The following ZNF182 variants were observed in gnomAD, a reference collection of about 807,000 sequenced individuals.
The protein encoded by ZNF182 is zinc finger protein 21 (KOX 14).
In ZNF182, 10 loss-of-function variants were observed where a neutral mutation model predicts 28.1. That is an observed-to-expected ratio of 0.36 (90% CI 0.22 to 0.60). ZNF182 has a LOEUF of 0.60. Among genes scored for constraint, ZNF182 ranks in the 20% least tolerant of loss-of-function variants. The pLI is 0.75. For missense variants in ZNF182, 352 were observed against 453.2 expected (o/e 0.78, Z 2.03); for synonymous variants, 156 against 158.7 (o/e 0.98, Z 0.13).
intron 3 of ZNF182, among the ~76,000 whole-genome samples, chrX:47,993,471 C>T (rs1240694161): frequency 2.7e-5 from 3 of 112,160 alleles, no homozygotes; most frequent in African/African-American, 9.7e-5. Flanking sequence ...GCACCCCACT[C>T]GTGGCTGGCA....
intron 2 of ZNF182, among the ~76,000 whole-genome samples, chrX:48,003,139 CA>C (rs1296284772): frequency 1.8e-5 from 2 of 111,365 alleles, no homozygotes; most frequent in African/African-American, 3.3e-5. Flanking sequence ...AAAAGGTGTA[CA>C]AAAAAATCCT....
At chrX:47,979,914 T>C (rs914447466) in intron 5 of ZNF182, among the ~76,000 whole-genome samples, 26 of 103,731 alleles carry the variant, frequency 2.5e-4, no homozygotes, top group Middle Eastern at 5.0e-3. Flanking sequence ...TGTTATGGTA[T>C]AAGTTTCATC....
chrX:47,976,271 C>T lies in ZNF182; in HGVS notation c.1759G>A (p.Ala587Thr). The T allele has an allele frequency of 8.3e-7, 1 of 1,204,872 alleles. No individual in the cohort carries two copies. Residue 587 changes from alanine to threonine, a missense_variant, in exon 6 of 6, where the codon GCC (alanine) becomes ACC (threonine). Coordinates refer to ENST00000376943, the MANE Select transcript of ZNF182 (RefSeq NM_001007088.2). Reference sequence around the variant, plus strand: ...ATAAGGTTTGATTTTTGGGTAAAGGCTTTCCCACATTCTGTACATTTATAG... The same window carrying T: ...ATAAGGTTTGATTTTTGGGTAAAGGTTTTCCCACATTCTGTACATTTATAG... Reference protein sequence around the residue: ...KPYKCTECGKAFTQKSNLIVH... With the variant: ...KPYKCTECGKTFTQKSNLIVH...
intron 3 of ZNF182, among the ~76,000 whole-genome samples, chrX:47,989,994 G>A (rs1238955120): frequency 9.0e-6 from 1 of 110,755 alleles, no homozygotes; most frequent in Non-Finnish European, 1.9e-5. Flanking sequence ...AAATTTCTAG[G>A]TTTGTTCATG....
chrX:47,983,867 A>G (rs2058915217), intron 3 of ZNF182, among the ~76,000 whole-genome samples: 1 of 112,066 alleles, frequency 8.9e-6, no homozygotes, highest in South Asian at 3.7e-4. Flanking sequence ...TTAAGTGTCT[A>G]TAAAATAATA....
At chrX:47,991,582 T>C (rs1299082570) in intron 3 of ZNF182, among the ~76,000 whole-genome samples, 3 of 111,894 alleles carry the variant, frequency 2.7e-5, no homozygotes, top group African/African-American at 6.5e-5. Flanking sequence ...GGATATTAGA[T>C]AGAAATGGTA....
At chrX:47,979,599 T>TAC (rs201907093) in intron 5 of ZNF182, among the ~76,000 whole-genome samples, 2,730 of 111,615 alleles carry the variant, frequency 0.024, 29 homozygotes, top group Middle Eastern at 0.069. Flanking sequence ...GCTTGCAGGG[T>TAC]ACACAGGAAG....
rs1013054137 is a variant in ZNF182, at chrX:47,975,430, T to C, written c.*737A>G. ...TGATTACTTTTGAATAATTCCTCTTTGAATGAGAAGAGTTTTTCCTGGACT... is the reference window on the plus strand; with the variant it reads ...TGATTACTTTTGAATAATTCCTCTTCGAATGAGAAGAGTTTTTCCTGGACT... On this transcript the variant is annotated 3_prime_UTR_variant, in exon 6 of 6. Coordinates refer to ENST00000376943, the MANE Select transcript of ZNF182 (RefSeq NM_001007088.2). 1 of 112,375 alleles carries C rather than the reference T, an allele frequency of 8.9e-6. No individual in the cohort carries two copies. The highest frequency in any genetic ancestry group is 9.5e-5 in the Admixed American group (1 of 10,541). 9.3% of individuals were successfully genotyped at this position (112,375 alleles called of 1,213,427 possible).
chrX:47,983,157 C>G (rs1003494738), intron 4 of ZNF182, 119 bp from the exon 5 acceptor site: 12 of 1,109,679 alleles, frequency 1.1e-5, no homozygotes, highest in Non-Finnish European at 1.5e-5. Flanking sequence ...AAAGTCAAAC[C>G]ATTTAACCTG....
chrX:47,975,925 T>TC lies in ZNF182; in HGVS notation c.*241dup. 3.3e-6 allele frequency: 1 copy of TC among 304,882 alleles called. No individual in the cohort carries two copies. Among genetic ancestry groups the TC allele is most frequent in the Middle Eastern group, 9.2e-4 (1 of 1,091 alleles). The allele number at this position is 304,882 out of a possible 1,213,427, so 25.1% of individuals were successfully genotyped here. On this transcript the variant is annotated 3_prime_UTR_variant, in exon 6 of 6. Transcript: ENST00000376943. ...CTCTGAAATCTCCTGCACCAGTGCT[T>TC]CATTTCCTCTGCCTGTGGCAGCCCT...
chrX:47,992,054 C>T (rs782704859), intron 3 of ZNF182, among the ~76,000 whole-genome samples: 9 of 111,395 alleles, frequency 8.1e-5, no homozygotes, highest in African/African-American at 1.6e-4. Flanking sequence ...TCAGGTAGGA[C>T]GGCAGGGGGA....
intron 5 of ZNF182, among the ~76,000 whole-genome samples, chrX:47,979,600 A>G (rs1603224123): frequency 1.9e-5 from 2 of 107,192 alleles, no homozygotes; most frequent in East Asian, 5.6e-4. Flanking sequence ...CTTGCAGGGT[A>G]CACAGGAAGT....
intron 5 of ZNF182, among the ~76,000 whole-genome samples, chrX:47,981,770 T>A (rs1251615165): frequency 1.8e-5 from 2 of 109,972 alleles, no homozygotes; most frequent in African/African-American, 6.6e-5. Context: ...TGTGGTGACA[T>A]GCACCTGTAG....
rs1490566599 is a variant in ZNF182 at position 47,975,752 on chromosome X, A to C, written c.*415T>G. On this transcript the variant is annotated 3_prime_UTR_variant, in exon 6 of 6. Coordinates refer to ENST00000376943, the MANE Select transcript of ZNF182 (RefSeq NM_001007088.2). ...CCCAGCCTGTTTCTCCTCAGACCCC[A>C]AATGGTCTAGGAAACATCCTACCTC... 1 of 118,607 alleles carries C rather than the reference A, an allele frequency of 8.4e-6. No individual in the cohort carries two copies. Among genetic ancestry groups the C allele is most frequent in the East Asian group, 2.6e-4 (1 of 3,803 alleles). The allele number at this position is 118,607 out of a possible 1,213,427, so 9.8% of individuals were successfully genotyped here.
At position 47,977,512 on chromosome X, in the gene ZNF182, A is replaced by T; in HGVS notation, c.518T>A (p.Phe173Tyr). 2 of 1,211,009 alleles carry T rather than the reference A, an allele frequency of 1.7e-6. No individual in the cohort carries two copies. The highest frequency in any genetic ancestry group is 2.2e-6 in the Non-Finnish European group (2 of 895,283). The change falls in exon 6 of 6, where the codon TTC becomes TAC. Residue 173 changes from phenylalanine to tyrosine, a missense_variant. Coordinates refer to ENST00000376943, the MANE Select transcript of ZNF182 (RefSeq NM_001007088.2). ...ATTTGTTTTCTCATACTCAGTATGG[A>T]AGAACAATTTTGCACATCCATTATC... ...KYDNGCAKLFFHTEYEKTNPG... is the reference protein window; with the variant it reads ...KYDNGCAKLFYHTEYEKTNPG...
At position 47,980,239 on chromosome X, in the gene ZNF182, C is replaced by CTAAAGGAGT. The variant is rs1197375057; in HGVS notation, c.233-2451_233-2443dup. On this transcript the variant is annotated intron_variant, in intron 5 of 5. Coordinates refer to ENST00000376943, the MANE Select transcript of ZNF182 (RefSeq NM_001007088.2). ...GCATGATCTCACTCATATATGGGAGCTAAAGGAGTTACTCTCATAGAAGTA... is the reference window on the plus strand; with the variant it reads ...GCATGATCTCACTCATATATGGGAGCTAAAGGAGTTAAAGGAGTTACTCTCATAGAAGTA... Among the ~76,000 whole-genome samples, 6 of 110,693 alleles carry CTAAAGGAGT rather than the reference C, an allele frequency of 5.4e-5. No individual in the cohort carries two copies. In the Admixed American group the frequency reaches 5.8e-4, roughly 11 times the overall value.
intron 5 of ZNF182, among the ~76,000 whole-genome samples, chrX:47,980,864 A>G (rs1273210116): frequency 8.9e-6 from 1 of 111,756 alleles, no homozygotes; most frequent in Non-Finnish European, 1.9e-5. Context: ...ACATAAAAGG[A>G]TTCCTTAAAA....
chrX:47,993,287 T>C (rs782326676), intron 3 of ZNF182, among the ~76,000 whole-genome samples: 21 of 112,366 alleles, frequency 1.9e-4, no homozygotes, highest in Middle Eastern at 4.2e-3. Flanking sequence ...TCCCATGCCT[T>C]GCTCTGTAGA....
At chrX:47,986,477 C>A (rs1468578770) in intron 3 of ZNF182, among the ~76,000 whole-genome samples, 1 of 112,025 alleles carries the variant, frequency 8.9e-6, no homozygotes, top group Non-Finnish European at 1.9e-5. Flanking sequence ...TCCAGTTGTA[C>A]GAGGGATAGC....
Sources: allele counts gnomAD v4.1 joint callset (sites outside exome capture counted in the v4.1 genomes callset), GRCh38; gene constraint gnomAD v4.1.1; transcripts MANE v1.5; gene names NCBI Gene and HGNC (gene_info 2026-07-23, HGNC 2026-07-21).